The following GEMIN8 variants were observed in gnomAD, a reference collection of about 807,000 sequenced individuals.
GEMIN8 encodes gem-associated protein 8.
For synonymous variants in GEMIN8, 80 were observed against 78.5 expected, an observed-to-expected ratio of 1.02 and a Z score of -0.10; for missense variants, 185 against 205.9, an observed-to-expected ratio of 0.90 and a Z score of 0.62.
In GEMIN8 at chrX:14,021,484, A is replaced by T; in HGVS notation, c.-6T>A. On this transcript the variant is annotated 5_prime_UTR_variant, in exon 3 of 5. Transcript: ENST00000680255. ...CTTACCTTTACCGCTGCCATCTCTG[A>T]TTGTGAAAGTCCAAATGGGTGCTGA... 8.6e-7 allele frequency: 1 copy of T among 1,160,043 alleles called. No homozygotes were observed. Among genetic ancestry groups the T allele is most frequent in the Non-Finnish European group, 1.2e-6 (1 of 849,893 alleles).
In GEMIN8 at chrX:14,020,493, C is replaced by T. The variant is rs375970991; in HGVS notation, c.57G>A (p.Pro19=). Residue 19 remains proline, a synonymous_variant, in exon 4 of 5, where the codon CCG becomes CCA. Coordinates refer to ENST00000680255, the MANE Select transcript of GEMIN8 (RefSeq NM_001042479.2). The part of the protein sequence containing the change: ...SKATRPWYSH[P]VYARYWQHYH... ...AATGTTGCCAGTATCTTGCATATAC[C>T]GGATGAGAATACCAAGGCCTGGTAG... 47 of 1,201,763 alleles carry T rather than the reference C, an allele frequency of 3.9e-5. No homozygotes were observed. In the East Asian group the frequency reaches 1.3e-3, roughly 33 times the overall value.
At chrX:14,002,564 T>G (rs1243908305), downstream of GEMIN8, among the ~76,000 whole-genome samples, 2 of 111,623 alleles carry the variant, frequency 1.8e-5, no homozygotes, top group Non-Finnish European at 3.8e-5. Flanking sequence ...CTCGGCTCAC[T>G]GCAACCTCCG....
chrX:13,992,787 T>C, the GEMIN8 span, among the ~76,000 whole-genome samples: 1 of 111,731 alleles, frequency 9.0e-6, no homozygotes, highest in South Asian at 3.8e-4. Flanking sequence ...TGAGCTCATA[T>C]TGCAAGTGAC....
At chrX:13,998,077 C>CTTTTTTTT in the GEMIN8 span, among the ~76,000 whole-genome samples, 1 of 91,708 alleles carries the variant, frequency 1.1e-5, no homozygotes, top group South Asian at 5.1e-4. Context: ...ACCATTTTTG[C>CTTTTTTTT]TTTTTTTTTT....
At chrX:14,004,733 C>T (rs55654467), downstream of GEMIN8, among the ~76,000 whole-genome samples, 32,047 of 110,511 alleles carry the variant, frequency 0.29, 3,420 homozygotes, top group South Asian at 0.32. Flanking sequence ...AATTTTTTTC[C>T]TGTATTTTTA....
the GEMIN8 span, among the ~76,000 whole-genome samples, chrX:13,997,426 C>G: frequency 8.9e-6 from 1 of 111,758 alleles, no homozygotes. Flanking sequence ...CCTGGCTGAC[C>G]CATCAGCTGA....
Position 14,009,088 on chromosome X carries a change from G to A in GEMIN8, c.554C>T (p.Ser185Leu), listed in dbSNP as rs1923347835. Residue 185 changes from serine (S) to leucine (L), a missense_variant, in exon 5 of 5, where the codon TCG (serine) becomes TTG (leucine). Coordinates refer to ENST00000680255, the MANE Select transcript of GEMIN8 (RefSeq NM_001042479.2). ...AGGCCTCTCAGTTGGGGCTTCTACC[G>A]ACCGGCGGGTGTTGCAGTACAGGTC... Reference protein sequence around the residue: ...DHDLYCNTRRSVEAPTERPGE... With the variant: ...DHDLYCNTRRLVEAPTERPGE... 3.3e-6 allele frequency: 4 copies of A among 1,210,387 alleles called. No individual in the cohort carries two copies. Among genetic ancestry groups the A allele is most frequent in the Non-Finnish European group, 4.5e-6 (4 of 894,942 alleles).
the GEMIN8 span, among the ~76,000 whole-genome samples, chrX:13,998,330 A>G: frequency 9.1e-6 from 1 of 110,184 alleles, no homozygotes; most frequent in African/African-American, 3.3e-5. Flanking sequence ...TCCCCACGTC[A>G]AGGGAGGGAC....
At chrX:14,025,018 CA>C (rs1269269688) in intron 2 of GEMIN8, among the ~76,000 whole-genome samples, 1 of 111,550 alleles carries the variant, frequency 9.0e-6, no homozygotes, top group African/African-American at 3.3e-5. Flanking sequence ...CCCTAAATCC[CA>C]AAATGTACTT....
intron 4 of GEMIN8, among the ~76,000 whole-genome samples, chrX:14,019,393 T>G (rs1412164695): frequency 1.8e-5 from 2 of 112,100 alleles, no homozygotes; most frequent in Non-Finnish European, 3.8e-5. Context: ...ACTGAAGATA[T>G]AAGACCTTTA....
Position 14,014,529 on chromosome X carries a change from G to A in GEMIN8, c.473-5360C>T, listed in dbSNP as rs766781756. 4 of 749,410 alleles carry A rather than the reference G, an allele frequency of 5.3e-6. No homozygotes were observed. In the South Asian group the frequency reaches 2.7e-4, roughly 51 times the overall value. The allele number at this position is 749,410 out of a possible 1,213,427, so 61.8% of individuals were successfully genotyped here. On this transcript the variant is annotated intron_variant, in intron 4 of 4. Transcript: ENST00000680255. ...TCTCACTGATCGGTTTTGTGCACCT[G>A]TGAATATCTGCACCAGATGAAACAC... is the stretch of plus-strand genomic sequence containing the variant.
At chrX:13,985,466 C>CT in the GEMIN8 span, among the ~76,000 whole-genome samples, 59 of 112,234 alleles carry the variant, frequency 5.3e-4, no homozygotes, top group African/African-American at 1.9e-3. Flanking sequence ...TTGTTAGGCT[C>CT]TTAAACTCCA....
chrX:13,992,602 T>C, the GEMIN8 span, among the ~76,000 whole-genome samples: 823 of 111,093 alleles, frequency 7.4e-3, 10 homozygotes, highest in African/African-American at 0.023. Context: ...GAGCTCCCAA[T>C]TGATGCTGAT....
At chrX:14,015,374 T>C (rs1057131614) in intron 4 of GEMIN8, among the ~76,000 whole-genome samples, 1 of 112,907 alleles carries the variant, frequency 8.9e-6, no homozygotes, top group Non-Finnish European at 1.9e-5. Flanking sequence ...TCTCATAAGT[T>C]ATTTTCCATT....
Position 14,018,796 on chromosome X carries a change from C to T in GEMIN8, c.472+1282G>A, listed in dbSNP as rs183321373. ...TTTTTTTTTTTTTGAGCCAGGGTCT[C>T]GCTCTGTCACCCAGGCTGGAGTACA... is the stretch of plus-strand genomic sequence containing the variant. On this transcript the variant is annotated intron_variant, in intron 4 of 4. Transcript: ENST00000680255. Among the ~76,000 whole-genome samples, 24 of 90,692 alleles carry T rather than the reference C, an allele frequency of 2.6e-4. 1 individual carries two copies. The East Asian group carries it at 8.0e-3, about 30-fold the overall frequency. The allele number at this position is 90,692 out of a possible 115,157, so 78.8% of individuals were successfully genotyped here. A position where few individuals can be genotyped will look rare whatever the true frequency, so the allele number is the denominator to read the frequency against.
downstream of GEMIN8, among the ~76,000 whole-genome samples, chrX:14,006,678 A>G (rs1055433577): frequency 1.8e-5 from 2 of 111,427 alleles, no homozygotes; most frequent in African/African-American, 6.6e-5. Flanking sequence ...GAAATTTTAT[A>G]CTCAAGACTC....
At chrX:14,000,507 GA>G in the GEMIN8 span, among the ~76,000 whole-genome samples, 4 of 109,854 alleles carry the variant, frequency 3.6e-5, no homozygotes, top group Non-Finnish European at 7.6e-5. Flanking sequence ...TGAGGCAGGA[GA>G]ATGGCGTGAA....
chrX:14,014,654 C>T (rs1603192767), intron 4 of GEMIN8: 2 of 311,046 alleles, frequency 6.4e-6, no homozygotes, highest in Middle Eastern at 2.0e-3. Context: ...TAAACTTCAC[C>T]GGGTTCTCTC....
intron 4 of GEMIN8, among the ~76,000 whole-genome samples, chrX:14,012,783 C>T (rs1923646097): frequency 9.0e-6 from 1 of 111,280 alleles, no homozygotes. Context: ...GAAACAGATG[C>T]TCAAATCTCA....
Sources: gnomAD v4.1 joint callset for allele counts (sites outside exome capture counted in the v4.1 genomes callset) on GRCh38, gnomAD v4.1.1 for gene constraint, MANE v1.5 for transcripts, NCBI Gene and HGNC (gene_info 2026-07-23, HGNC 2026-07-21) for gene names.